The following TBCA variants were observed in gnomAD, a reference collection of about 807,000 sequenced individuals.
TBCA encodes the protein tubulin folding cofactor A, also known as tubulin-specific chaperone A.
In TBCA, 6 loss-of-function variants were observed where a neutral mutation model predicts 15.8. The ratio of observed to expected loss-of-function variants is 0.38; its 90% CI spans 0.21 to 0.75. The LOEUF (loss-of-function observed/expected upper bound fraction) is 0.75. TBCA is among the 30% of genes least tolerant of loss of function. The pLI, the probability that TBCA is intolerant of heterozygous loss-of-function variation, is 0.46. For missense variants in TBCA, 90 were observed against 131.2 expected, an observed-to-expected ratio of 0.69 and a Z score of 1.53; for synonymous variants, 32 against 42.3, an observed-to-expected ratio of 0.76 and a Z score of 0.94.
intron 1 of TBCA, among the ~76,000 whole-genome samples, chr5:77,743,677 T>C (rs1747102344): frequency 6.6e-6 from 1 of 152,126 alleles, no homozygotes; most frequent in Non-Finnish European, 1.5e-5. Context: ...TTGGGACAAA[T>C]GTAGCAATGG....
At chr5:77,708,844 C>T (rs1336477867) in intron 1 of TBCA, among the ~76,000 whole-genome samples, 2 of 152,242 alleles carry the variant, frequency 1.3e-5, no homozygotes, top group East Asian at 1.9e-4. Flanking sequence ...GCTGGGATTA[C>T]AGGCATGAGC....
At chr5:77,764,955 T>A (rs1325194147) in intron 1 of TBCA, among the ~76,000 whole-genome samples, 2 of 152,034 alleles carry the variant, frequency 1.3e-5, no homozygotes, top group African/African-American at 4.8e-5. Context: ...TATTAGAAAT[T>A]AAAATAAATT....
At chr5:77,719,528 T>C (rs910798496) in intron 1 of TBCA, among the ~76,000 whole-genome samples, 4 of 152,240 alleles carry the variant, frequency 2.6e-5, no homozygotes, top group Non-Finnish European at 5.9e-5. Flanking sequence ...TGTTACCTTA[T>C]AGTTTCTCAG....
chr5:77,751,737 T>C (rs1561280712), intron 1 of TBCA, among the ~76,000 whole-genome samples: 1 of 152,148 alleles, frequency 6.6e-6, no homozygotes, highest in South Asian at 2.1e-4. Context: ...GAAAGAGTAA[T>C]TCACATGGAG....
chr5:77,770,745 AAAC>A (rs1747887905), intron 1 of TBCA, among the ~76,000 whole-genome samples: 3 of 152,078 alleles, frequency 2.0e-5, no homozygotes, highest in Non-Finnish European at 4.4e-5. Flanking sequence ...AAAAGAAAAA[AAAC>A]AAAGAGCCAG....
At chr5:77,698,485 T>C (rs1179625290) in intron 2 of TBCA, among the ~76,000 whole-genome samples, 1 of 152,172 alleles carries the variant, frequency 6.6e-6, no homozygotes, top group Non-Finnish European at 1.5e-5. Context: ...AAATACTTTT[T>C]CTCCAATGTT....
chr5:77,752,449 C>T (rs1251068145), intron 1 of TBCA, among the ~76,000 whole-genome samples: 1 of 152,144 alleles, frequency 6.6e-6, no homozygotes, highest in Non-Finnish European at 1.5e-5. Context: ...CTGCAACCTC[C>T]GCCTCCCAGG....
chr5:77,706,825 A>AAG (rs1554043606), intron 2 of TBCA, among the ~76,000 whole-genome samples: 140 of 151,092 alleles, frequency 9.3e-4, no homozygotes, highest in African/African-American at 1.4e-3. Flanking sequence ...AAAAAAAAAA[A>AAG]AAAGAAAGAA....
At chr5:77,745,598 C>T (rs926403056) in intron 1 of TBCA, among the ~76,000 whole-genome samples, 2 of 152,210 alleles carry the variant, frequency 1.3e-5, no homozygotes, top group Admixed American at 1.3e-4. Flanking sequence ...ACAGCACTTA[C>T]ACTCTTTCAG....
chr5:77,746,761 T>C (rs1192060799), intron 1 of TBCA, among the ~76,000 whole-genome samples: 1 of 152,178 alleles, frequency 6.6e-6, no homozygotes, highest in Non-Finnish European at 1.5e-5. Context: ...ATGCTTATTT[T>C]TAAAGAAATA....
At chr5:77,764,028 T>A (rs534977597) in intron 1 of TBCA, among the ~76,000 whole-genome samples, 1 of 151,948 alleles carries the variant, frequency 6.6e-6, no homozygotes, top group Non-Finnish European at 1.5e-5. Flanking sequence ...AACAATGGAG[T>A]ATTACACAAC....
chr5:77,722,858 A>G (rs1746554957), intron 1 of TBCA, among the ~76,000 whole-genome samples: 1 of 151,838 alleles, frequency 6.6e-6, no homozygotes, highest in Non-Finnish European at 1.5e-5. Context: ...ATCAATTTAA[A>G]TAAAATTGGT....
At chr5:77,728,422 G>C (rs933607380) in intron 1 of TBCA, among the ~76,000 whole-genome samples, 1 of 152,024 alleles carries the variant, frequency 6.6e-6, no homozygotes, top group Non-Finnish European at 1.5e-5. Flanking sequence ...AGTAGCTGAG[G>C]AAAGGAGAAA....
At chr5:77,692,660 A>G in intron 3 of TBCA, 6 of 984,698 alleles carry the variant, frequency 6.1e-6, no homozygotes, top group Non-Finnish European at 7.2e-6. Flanking sequence ...AAGCATTTAA[A>G]CTGTCAAGAA....
intron 1 of TBCA, among the ~76,000 whole-genome samples, chr5:77,759,098 G>A (rs1047396809): frequency 6.6e-6 from 1 of 152,172 alleles, no homozygotes. Flanking sequence ...CCCACCTCAT[G>A]CCTGGCTATA....
intron 1 of TBCA, among the ~76,000 whole-genome samples, chr5:77,763,539 T>TA (rs1747698102): frequency 6.6e-6 from 1 of 152,162 alleles, no homozygotes; most frequent in Non-Finnish European, 1.5e-5. Context: ...GTAACGCTAT[T>TA]AGGAGATGGG....
rs573204132 is a variant in TBCA at position 77,754,903 on chromosome 5, G to A, written c.53+21302C>T. Among the ~76,000 whole-genome samples, 19 of 152,304 alleles carry A rather than the reference G, an allele frequency of 1.2e-4. No individual in the cohort carries two copies. In the South Asian group the frequency reaches 3.7e-3, roughly 30 times the overall value. On this transcript the variant is annotated intron_variant, in intron 1 of 3. Transcript: ENST00000380377. Reference sequence around the variant, plus strand: ...TTATTAAATATTTTACTTCAGTCATGTGAACTTGAAAAGTATTTGGGATTA... The same window carrying A: ...TTATTAAATATTTTACTTCAGTCATATGAACTTGAAAAGTATTTGGGATTA...
intron 1 of TBCA, among the ~76,000 whole-genome samples, chr5:77,757,783 G>A (rs1239990639): frequency 1.3e-5 from 2 of 152,182 alleles, no homozygotes; most frequent in African/African-American, 2.4e-5. Flanking sequence ...GGATGTGCCC[G>A]TGACATAGCC....
At chr5:77,715,246 T>TC in intron 1 of TBCA, 1 of 702,290 alleles carries the variant, frequency 1.4e-6, no homozygotes, top group Non-Finnish European at 2.6e-6. Context: ...CTTAATGTAC[T>TC]CCAGCAAATT....
Sources: allele counts gnomAD v4.1 joint callset (sites outside exome capture counted in the v4.1 genomes callset), GRCh38; gene constraint gnomAD v4.1.1; transcripts MANE v1.5; gene names NCBI Gene and HGNC (gene_info 2026-07-23, HGNC 2026-07-21).